The following PRCD variants were observed in gnomAD, a reference collection of about 807,000 sequenced individuals.
PRCD encodes the protein photoreceptor disc component.
PRCD carries 12 observed loss-of-function variants against 10.1 expected under a neutral mutation model. The ratio of observed to expected loss-of-function variants is 1.18; its 90% CI spans 0.76 to 1.92. The LOEUF is 1.92. Ranked by LOEUF, PRCD falls within the 40% of genes most tolerant of loss-of-function variation. The pLI, the probability that PRCD is intolerant of heterozygous loss-of-function variation, is 0.00. For synonymous variants in PRCD, 31 were observed against 26.2 expected, an observed-to-expected ratio of 1.18 and a Z score of -0.56; for missense variants, 61 against 72.2, an observed-to-expected ratio of 0.84 and a Z score of 0.56.
rs1240599318 is a variant in PRCD at position 76,528,979 on chromosome 17, C to T, written n.45+1146C>T. 8.8e-6 allele frequency: 9 copies of T among 1,027,502 alleles called. No individual in the cohort carries two copies. Among genetic ancestry groups the T allele is most frequent in the Non-Finnish European group, 1.0e-5 (9 of 858,008 alleles). 63.6% of individuals were successfully genotyped at this position (1,027,502 alleles called of 1,614,324 possible). A position where few individuals can be genotyped will look rare whatever the true frequency, so the allele number is the denominator to read the frequency against. ...GCATTCTGTCCGGCCTGTCTCGTCC[C>T]TCCTCGGGCCACCCATCTGTATTCT... On this transcript the variant is annotated intron_variant and non_coding_transcript_variant, in intron 1 of 4. Transcript: ENST00000397633. This position sits in a 1 kb window ranked among gnomAD's most constrained non-coding sequence, Gnocchi z 5.8.
intron 2 of PRCD, among the ~76,000 whole-genome samples, chr17:76,541,007 A>C (rs1267534397): frequency 6.6e-6 from 1 of 152,126 alleles, no homozygotes; most frequent in Non-Finnish European, 1.5e-5. Context: ...CCCCAATAGA[A>C]GGCGCGGGAG....
chr17:76,548,685 G>A (rs1219163634), downstream of PRCD, among the ~76,000 whole-genome samples: 1 of 152,266 alleles, frequency 6.6e-6, no homozygotes, highest in African/African-American at 2.4e-5. Context: ...GGATGGACCA[G>A]AAGCTCTCTG....
rs1487251490 is a variant in PRCD at position 76,545,146 on chromosome 17, G to A, written c.*1496G>A. The A allele has an allele frequency of 1.1e-5, 5 of 456,676 alleles. No individual in the cohort carries two copies. The highest frequency in any genetic ancestry group is 4.0e-5 in the African/African-American group (2 of 50,190). The allele number at this position is 456,676 out of a possible 1,614,324, so 28.3% of individuals were successfully genotyped here. ...TTCCCCGCACACCCAGCCCACGCTC[G>A]CCTCTTATTCCCGGGGCCTCTCCCA... On this transcript the variant is annotated 3_prime_UTR_variant, in exon 5 of 5. Transcript: ENST00000592014.
At chr17:76,542,722 T>C (rs112871496) in intron 3 of PRCD, 89 bp downstream of exon 3, 15 of 818,044 alleles carry the variant, frequency 1.8e-5, no homozygotes, top group African/African-American at 1.3e-4. Context: ...TGTGGGAGGA[T>C]AGCAGGCAGT....
chr17:76,529,451 G>A (rs919852803), intron 1 of PRCD: 1 of 985,488 alleles, frequency 1.0e-6, no homozygotes, highest in Non-Finnish European at 1.2e-6. Flanking sequence ...AGGGCAGGGT[G>A]GGGAGGGCAG....
downstream of PRCD, among the ~76,000 whole-genome samples, chr17:76,548,582 T>C (rs938781523): frequency 6.6e-6 from 1 of 152,206 alleles, no homozygotes; most frequent in Non-Finnish European, 1.5e-5. Context: ...GTTTCCTCAT[T>C]TGATAAACAT....
upstream of PRCD, among the ~76,000 whole-genome samples, chr17:76,539,518 G>C (rs182151693): frequency 7.9e-5 from 12 of 152,280 alleles, no homozygotes; most frequent in Admixed American, 5.9e-4. Flanking sequence ...CTTCACTGTT[G>C]AGTCTCCCGT....
At chr17:76,536,251 C>T (rs904637063), upstream of PRCD, among the ~76,000 whole-genome samples, 1 of 152,172 alleles carries the variant, frequency 6.6e-6, no homozygotes, top group Non-Finnish European at 1.5e-5. Flanking sequence ...GAGTTGGAAT[C>T]AGGGCATATC....
In PRCD at chr17:76,544,141, A is replaced by G. The variant is rs1485338526; in HGVS notation, c.*491A>G. 2 of 454,636 alleles carry G rather than the reference A, an allele frequency of 4.4e-6. No individual in the cohort carries two copies. The highest frequency in any genetic ancestry group is 1.4e-4 in the East Asian group (2 of 14,394). 28.2% of individuals were successfully genotyped at this position (454,636 alleles called of 1,614,324 possible). On this transcript the variant is annotated 3_prime_UTR_variant, in exon 5 of 5. Transcript: ENST00000592014. ...CGCTTCTGCTCCCAGATCCAGGAGC[A>G]GACCCTGCAGGCAGCTGCTCCTGAT... is the stretch of plus-strand genomic sequence containing the variant.
At chr17:76,543,505 C>T (rs1272438865) in intron 4 of PRCD, 6 of 346,588 alleles carry the variant, frequency 1.7e-5, no homozygotes, top group Non-Finnish European at 3.4e-5. Context: ...TGTTATTATC[C>T]ACAATTTCTA....
intron 1 of PRCD, chr17:76,529,226 G>C: frequency 3.0e-6 from 3 of 985,428 alleles, no homozygotes; most frequent in Non-Finnish European, 3.6e-6. Flanking sequence ...CAGCAGGGAG[G>C]CTCTGCAGGC....
chr17:76,547,906 ACACATT>A (rs1332250357), downstream of PRCD, among the ~76,000 whole-genome samples: 2 of 128,022 alleles, frequency 1.6e-5, no homozygotes, highest in African/African-American at 8.0e-5. Context: ...GACACACATA[ACACATT>A]CACACACACA....
chr17:76,528,889 T>C lies in PRCD; in HGVS notation n.45+1056T>C, dbSNP rs1006865905. 8.6e-5 allele frequency: 104 copies of C among 1,211,872 alleles called. No homozygotes were observed. The East Asian group carries it at 3.5e-3, about 40-fold the overall frequency. 75.1% of individuals were successfully genotyped at this position (1,211,872 alleles called of 1,614,324 possible). A position where few individuals can be genotyped will look rare whatever the true frequency, so the allele number is the denominator to read the frequency against. On this transcript the variant is annotated intron_variant and non_coding_transcript_variant, in intron 1 of 4. Transcript: ENST00000397633. The surrounding 1 kb of genome is among the most constrained non-coding windows in gnomAD (Gnocchi z 5.8). ...TTGTGACATAAACTGGGTAAAAAAG[T>C]GTTTCACAAACTGCAAAGCACGATA... is the stretch of plus-strand genomic sequence containing the variant.
chr17:76,529,532 C>G, intron 1 of PRCD: 1 of 985,466 alleles, frequency 1.0e-6, no homozygotes, highest in Non-Finnish European at 1.2e-6. Context: ...AGCCAGCTCT[C>G]TTTCCAGTCT....
chr17:76,543,155 GT>G (rs1181585741), intron 4 of PRCD, 34 bp downstream of exon 4: 6 of 465,856 alleles, frequency 1.3e-5, no homozygotes, highest in Non-Finnish European at 2.7e-5. Context: ...GGACCTGCCA[GT>G]CTCCCCTTCC....
At chr17:76,548,500 C>T (rs1476631823), downstream of PRCD, among the ~76,000 whole-genome samples, 1 of 152,190 alleles carries the variant, frequency 6.6e-6, no homozygotes, top group African/African-American at 2.4e-5. Context: ...ATAGGAAGGC[C>T]CCAGCCTCGG....
At chr17:76,529,096 G>T in intron 1 of PRCD, 2 of 973,226 alleles carry the variant, frequency 2.1e-6, no homozygotes, top group Non-Finnish European at 2.4e-6. Context: ...GAGCAGAGAC[G>T]GCTCAATAAA....
At chr17:76,529,947 T>A (rs965302100) in intron 1 of PRCD, 1 of 984,918 alleles carries the variant, frequency 1.0e-6, no homozygotes, top group African/African-American at 1.8e-5. Context: ...CCGGGGCCAG[T>A]GTGGTCAGCA....
At chr17:76,529,262 C>T in intron 1 of PRCD, 4 of 985,356 alleles carry the variant, frequency 4.1e-6, no homozygotes, top group Non-Finnish European at 4.8e-6. Flanking sequence ...TAGGGGTGGG[C>T]TAGAGGGTGT....
Sources: allele counts gnomAD v4.1 joint callset (sites outside exome capture counted in the v4.1 genomes callset), GRCh38; gene constraint gnomAD v4.1.1; non-coding constraint Gnocchi (gnomAD v3.1); transcripts MANE v1.5; gene names NCBI Gene and HGNC (gene_info 2026-07-23, HGNC 2026-07-21).